FRY: variants seen among roughly 807,000 people sequenced by gnomAD.
FRY encodes protein furry homolog.
FRY carries 128 observed loss-of-function variants against 348.4 expected under a neutral mutation model. That is an observed-to-expected ratio of 0.37 (90% CI 0.32 to 0.43). FRY has a LOEUF of 0.43. FRY is among the 20% of genes least tolerant of loss of function. The pLI is 1.00. For synonymous variants in FRY, 1,370 were observed against 1,374.7 expected, an observed-to-expected ratio of 1.00 and a Z score of 0.08; for missense variants, 2,736 against 3,695.2, an observed-to-expected ratio of 0.74 and a Z score of 6.73.
chr13:32,287,890 T>G, intron 58 of FRY: 1 of 1,342,888 alleles, frequency 7.4e-7, no homozygotes, highest in Non-Finnish European at 1.0e-6. Flanking sequence ...TTGCAGTAAG[T>G]TAACTTTCTT....
intron 8 of FRY, among the ~76,000 whole-genome samples, chr13:32,133,587 G>A (rs896788387): frequency 2.6e-5 from 4 of 152,124 alleles, no homozygotes; most frequent in African/African-American, 7.2e-5. Context: ...GTGACTTCCC[G>A]TACTGGTGTT....
chr13:32,151,020 G>A (rs1371206201), intron 14 of FRY, among the ~76,000 whole-genome samples: 1 of 152,208 alleles, frequency 6.6e-6, no homozygotes, highest in Admixed American at 6.5e-5. Flanking sequence ...CAAACCAGAG[G>A]CTTTGGGCTG....
chr13:32,175,875 TG>T (rs759359272), intron 20 of FRY, among the ~76,000 whole-genome samples: 27 of 152,372 alleles, frequency 1.8e-4, no homozygotes, highest in Non-Finnish European at 3.4e-4. Context: ...TTTTAAGAAT[TG>T]CTCAGGATTC....
chr13:32,097,101 G>A (rs1876783922), intron 2 of FRY, among the ~76,000 whole-genome samples: 1 of 152,054 alleles, frequency 6.6e-6, no homozygotes, highest in Non-Finnish European at 1.5e-5. Flanking sequence ...GGTAGGTATG[G>A]GGAGCTTTGG....
Position 32,218,792 on chromosome 13 carries a change from T to C in FRY, c.4726T>C (p.Tyr1576His), listed in dbSNP as rs1230845595. Residue 1576 changes from tyrosine (Y) to histidine (H), a missense_variant, in exon 36 of 61, where the codon TAC (tyrosine) becomes CAC (histidine). Physicochemically the swap from Tyr to His is moderately conservative, Grantham distance 83. Transcript: ENST00000542859. ...AGCCCACACTCGCCTCGAGTCAAGATACAGCAATAGCTCTGGAGGATCCTA... is the reference window on the plus strand; with the variant it reads ...AGCCCACACTCGCCTCGAGTCAAGACACAGCAATAGCTCTGGAGGATCCTA... ...IRAHTRLESR[Y>H]SNSSGGSYDE... 6.2e-7 allele frequency: 1 copy of C among 1,607,280 alleles called. No individual in the cohort carries two copies. The highest frequency in any genetic ancestry group is 1.1e-5 in the South Asian group (1 of 90,932).
rs757166876 is a variant in FRY at position 32,261,816 on chromosome 13, A to G, written c.7617A>G (p.Leu2539=). The change falls in exon 52 of 61, where the codon CTA becomes CTG. Residue 2539 remains leucine (L), a splice_region_variant and synonymous_variant. Coordinates refer to ENST00000542859, the MANE Select transcript of FRY (RefSeq NM_023037.3). ...TASQILEHSD[L]IMTLSPSEET... is the part of the protein sequence containing the mutation. Reference sequence around the variant, plus strand: ...GCCAGATCCTGGAGCACTCAGACCTAGTAAGTAGCGGCTCTCCCACTCTAA... The same window carrying G: ...GCCAGATCCTGGAGCACTCAGACCTGGTAAGTAGCGGCTCTCCCACTCTAA... 19 of 1,613,626 alleles carry G rather than the reference A, an allele frequency of 1.2e-5. No homozygotes were observed. The highest frequency in any genetic ancestry group is 5.5e-5 in the South Asian group (5 of 91,076).
intron 39 of FRY, among the ~76,000 whole-genome samples, chr13:32,227,876 C>T (rs562257647): frequency 1.1e-4 from 16 of 152,104 alleles, no homozygotes; most frequent in South Asian, 6.2e-4. Flanking sequence ...CTCAGCCTCC[C>T]GAGTAGCTGG....
At chr13:32,088,705 T>C (rs184182117) in intron 2 of FRY, among the ~76,000 whole-genome samples, 10 of 152,316 alleles carry the variant, frequency 6.6e-5, no homozygotes, top group African/African-American at 2.2e-4. Context: ...ATAAATGATG[T>C]GAAAATATCA....
chr13:32,266,296 G>A (rs1176218710), intron 54 of FRY, among the ~76,000 whole-genome samples: 1 of 152,160 alleles, frequency 6.6e-6, no homozygotes, highest in African/African-American at 2.4e-5. Context: ...AAAGGTTAAG[G>A]TAACACCTAG....
rs1168840837 is a variant in FRY, at chr13:32,295,745, T to A, written c.*285T>A. 3.8e-6 allele frequency: 2 copies of A among 521,058 alleles called. No individual in the cohort carries two copies. Among genetic ancestry groups the A allele is most frequent in the Non-Finnish European group, 6.9e-6 (2 of 288,396 alleles). 32.3% of individuals were successfully genotyped at this position (521,058 alleles called of 1,614,324 possible). On this transcript the variant is annotated 3_prime_UTR_variant, in exon 61 of 61. Coordinates refer to ENST00000542859, the MANE Select transcript of FRY (RefSeq NM_023037.3). ...GCAACTCGCTACTGAAGAAGTGACT[T>A]CCGTTGCATACCAAAGCCGACTACA...
At chr13:32,273,998 CA>C (rs2138591459) in intron 55 of FRY, among the ~76,000 whole-genome samples, 1 of 152,240 alleles carries the variant, frequency 6.6e-6, no homozygotes, top group East Asian at 1.9e-4. Context: ...GCAAGTATTT[CA>C]TGTCTGAAAA....
chr13:32,075,934 G>A (rs1208105417), intron 1 of FRY, among the ~76,000 whole-genome samples: 1 of 152,210 alleles, frequency 6.6e-6, no homozygotes, highest in East Asian at 1.9e-4. Context: ...TTCCAGCTCA[G>A]TAAGGCTGTT....
chr13:32,271,695 C>T lies in FRY; in HGVS notation c.8137-3147C>T, dbSNP rs181254335. On this transcript the variant is annotated intron_variant, in intron 55 of 60. Transcript: ENST00000542859. Reference sequence around the variant, plus strand: ...AGTGAAAGGCCTCAGATATCCCATCCAATGTCCTCGCAGAAGATGACCCCT... The same window carrying T: ...AGTGAAAGGCCTCAGATATCCCATCTAATGTCCTCGCAGAAGATGACCCCT... Among the ~76,000 whole-genome samples the T allele has an allele frequency of 3.7e-3, 557 of 152,298 alleles. 1 individual carries two copies. The highest frequency in any genetic ancestry group is 0.031 in the Middle Eastern group (9 of 294).
At chr13:32,254,701 C>A (rs1443197493) in intron 51 of FRY, among the ~76,000 whole-genome samples, 2 of 152,182 alleles carry the variant, frequency 1.3e-5, no homozygotes, top group African/African-American at 4.8e-5. Context: ...AAAAAAAAAT[C>A]ACAAAAAACA....
At chr13:32,154,892 C>A (rs1453761070) in intron 14 of FRY, among the ~76,000 whole-genome samples, 1 of 152,200 alleles carries the variant, frequency 6.6e-6, no homozygotes, top group Non-Finnish European at 1.5e-5. Context: ...ATACCTGAGC[C>A]TAAGGAAGAT....
chr13:32,248,839 C>A lies in FRY; in HGVS notation c.7009-687C>A, dbSNP rs147462216. Among the ~76,000 whole-genome samples, 1,179 of 152,278 alleles carry A rather than the reference C, an allele frequency of 7.7e-3. 12 individuals carry two copies. The highest frequency in any genetic ancestry group is 0.027 in the African/African-American group (1,118 of 41,552). On this transcript the variant is annotated intron_variant, in intron 48 of 60. Coordinates refer to ENST00000542859, the MANE Select transcript of FRY (RefSeq NM_023037.3). ...TAAAGAGGTACAAAAAAACATGCAG[C>A]TGGTTAGCAGCATGCTCCAGAGACC...
intron 11 of FRY, among the ~76,000 whole-genome samples, chr13:32,139,808 G>C (rs142238321): frequency 9.9e-4 from 151 of 152,032 alleles, no homozygotes; most frequent in African/African-American, 3.4e-3. Context: ...AACATATTGT[G>C]CTATAAAAAA....
chr13:32,219,830 T>C (rs1330834546), intron 36 of FRY, among the ~76,000 whole-genome samples: 1 of 152,210 alleles, frequency 6.6e-6, no homozygotes, highest in Non-Finnish European at 1.5e-5. Flanking sequence ...GGATAGGATC[T>C]GTTCCTATGT....
At chr13:32,202,684 C>T (rs547264221) in intron 31 of FRY, among the ~76,000 whole-genome samples, 157 bp downstream of exon 31, 13 of 152,272 alleles carry the variant, frequency 8.5e-5, no homozygotes, top group South Asian at 8.3e-4. Flanking sequence ...CACGATGCCA[C>T]GCATTCCTGT....
Sources: gnomAD v4.1 joint callset for allele counts (sites outside exome capture counted in the v4.1 genomes callset) on GRCh38, gnomAD v4.1.1 for gene constraint, MANE v1.5 for transcripts, NCBI Gene and HGNC (gene_info 2026-07-23, HGNC 2026-07-21) for gene names.